Variants in RARB observed in about 807,000 individuals in gnomAD.
RARB encodes the protein retinoic acid receptor beta.
In RARB, 17 loss-of-function variants were observed where a neutral mutation model predicts 51.9. That is an observed-to-expected ratio of 0.33 (90% CI 0.22 to 0.49). The LOEUF (loss-of-function observed/expected upper bound fraction) is 0.49, where lower values mean the gene tolerates loss of function less well. Among genes scored for constraint, RARB ranks in the 20% least tolerant of loss-of-function variants. The pLI, the probability that RARB is intolerant of heterozygous loss-of-function variation, is 0.99. For synonymous variants in RARB, 215 were observed against 195.4 expected (o/e 1.10, Z -0.84); for missense variants, 369 against 550.8 (o/e 0.67, Z 3.30).
chr3:25,387,753 C>T (rs1482438176), intron 5 of RARB, among the ~76,000 whole-genome samples: 2 of 151,980 alleles, frequency 1.3e-5, no homozygotes, highest in Admixed American at 1.3e-4. Context: ...TGTCTTTGTT[C>T]GACCCTAAAT....
chr3:24,981,677 A>T (rs1696677658), intron 2 of RARB, among the ~76,000 whole-genome samples: 1 of 152,096 alleles, frequency 6.6e-6, no homozygotes, highest in African/African-American at 2.4e-5. Flanking sequence ...TGGCTCTACC[A>T]GGCACAGTCC....
intron 5 of RARB, among the ~76,000 whole-genome samples, chr3:25,274,311 C>T (rs1009948781): frequency 3.9e-5 from 6 of 152,236 alleles, no homozygotes; most frequent in South Asian, 2.1e-4. Flanking sequence ...TGGATGGGAC[C>T]GTTCAAGTGC....
intron 2 of RARB, among the ~76,000 whole-genome samples, chr3:25,006,417 G>A (rs765091541): frequency 1.7e-4 from 26 of 152,132 alleles, no homozygotes; most frequent in Admixed American, 3.3e-4. Flanking sequence ...CAGTTGTGAC[G>A]TTGGCTTTCA....
chr3:25,067,267 T>C (rs1360945904), intron 3 of RARB, among the ~76,000 whole-genome samples: 1 of 152,100 alleles, frequency 6.6e-6, no homozygotes, highest in East Asian at 1.9e-4. Flanking sequence ...AAAGTGAGCA[T>C]GGGACCCAAC....
intron 2 of RARB, among the ~76,000 whole-genome samples, chr3:24,877,660 T>A (rs1703074016): frequency 6.6e-6 from 1 of 152,050 alleles, no homozygotes; most frequent in African/African-American, 2.4e-5. Context: ...GACCTCCAAG[T>A]CTGATCTTCC....
At chr3:24,836,706 G>A (rs890349928) in intron 1 of RARB, among the ~76,000 whole-genome samples, 3 of 152,248 alleles carry the variant, frequency 2.0e-5, no homozygotes, top group African/African-American at 4.8e-5. Context: ...ATTCTTGAGC[G>A]AGACAGGGAA....
intron 2 of RARB, among the ~76,000 whole-genome samples, chr3:24,965,693 T>C (rs181204138): frequency 2.0e-5 from 3 of 152,260 alleles, no homozygotes; most frequent in East Asian, 3.9e-4. Flanking sequence ...AATGAAATAA[T>C]ACACATGAAA....
At chr3:25,178,983 ATC>A (rs1700810355) in intron 5 of RARB, among the ~76,000 whole-genome samples, 4 of 152,262 alleles carry the variant, frequency 2.6e-5, no homozygotes, top group African/African-American at 9.6e-5. Context: ...TGGCTTCAGA[ATC>A]TCTCTCAAAA....
intron 1 of RARB, among the ~76,000 whole-genome samples, chr3:25,440,444 CT>C (rs1252707912): frequency 6.8e-6 from 1 of 146,874 alleles, no homozygotes; most frequent in Non-Finnish European, 1.5e-5. Context: ...GAGATCCTGT[CT>C]AAAAAATAAA....
intron 5 of RARB, among the ~76,000 whole-genome samples, chr3:25,296,249 CA>C (rs1703911754): frequency 6.6e-6 from 1 of 152,114 alleles, no homozygotes; most frequent in African/African-American, 2.4e-5. Flanking sequence ...GTAGAAAATT[CA>C]AAGGGCAAGG....
chr3:25,200,880 C>T (rs1016644291), intron 5 of RARB, among the ~76,000 whole-genome samples: 4 of 152,184 alleles, frequency 2.6e-5, no homozygotes, highest in Non-Finnish European at 5.9e-5. Context: ...TAGCATGATA[C>T]CTCCAGCTTT....
At chr3:24,997,580 T>C (rs1205194084) in intron 2 of RARB, among the ~76,000 whole-genome samples, 1 of 152,164 alleles carries the variant, frequency 6.6e-6, no homozygotes, top group Admixed American at 6.6e-5. Flanking sequence ...GGTTGAGGTT[T>C]CACCATGTTA....
At chr3:24,971,408 G>C (rs1047054670) in intron 2 of RARB, among the ~76,000 whole-genome samples, 1 of 151,988 alleles carries the variant, frequency 6.6e-6, no homozygotes, top group Non-Finnish European at 1.5e-5. Flanking sequence ...ATTATCCTTA[G>C]AAGTTTTTGA....
rs116491578 is a variant in RARB at position 24,981,636 on chromosome 3, G to A, written c.-379-78489G>A. Among the ~76,000 whole-genome samples the A allele has an allele frequency of 9.6e-3, 1,457 of 152,270 alleles. 18 individuals carry two copies. Among genetic ancestry groups the A allele is most frequent in the African/African-American group, 0.034 (1,406 of 41,558 alleles). Reference sequence around the variant, plus strand: ...GTGGTCTGCTGGTTGTGAAGACCATGGGAAAAGCATAGTATTTGGGCAGGA... The same window carrying A: ...GTGGTCTGCTGGTTGTGAAGACCATAGGAAAAGCATAGTATTTGGGCAGGA... On this transcript the variant is annotated intron_variant, in intron 2 of 11. Coordinates refer to the RARB transcript ENST00000383772.
chr3:25,072,550 T>G (rs940320196), intron 3 of RARB, among the ~76,000 whole-genome samples: 7 of 152,142 alleles, frequency 4.6e-5, no homozygotes, highest in African/African-American at 1.7e-4. Context: ...TCCCATACTA[T>G]TTTAAGAGCT....
At chr3:25,528,559 C>T (rs1363288111) in intron 3 of RARB, among the ~76,000 whole-genome samples, 1 of 151,902 alleles carries the variant, frequency 6.6e-6, no homozygotes, top group Non-Finnish European at 1.5e-5. Context: ...GGAGGACTCC[C>T]CTCCTGCCAT....
Position 24,961,968 on chromosome 3 carries a change from C to T in RARB, c.-379-98157C>T, listed in dbSNP as rs1477785023. Reference sequence around the variant, plus strand: ...TTTTTGAGACAGAGTCTTGCTCTGTCGCCCAGGCTAGAGTGCAATGGCGCT... The same window carrying T: ...TTTTTGAGACAGAGTCTTGCTCTGTTGCCCAGGCTAGAGTGCAATGGCGCT... On this transcript the variant is annotated intron_variant, in intron 2 of 11. Coordinates refer to the RARB transcript ENST00000383772. Among the ~76,000 whole-genome samples, 10 of 136,024 alleles carry T rather than the reference C, an allele frequency of 7.4e-5. 1 individual carries two copies. Among genetic ancestry groups the T allele is most frequent in the South Asian group, 2.3e-4 (1 of 4,270 alleles). 89.2% of individuals were successfully genotyped at this position (136,024 alleles called of 152,430 possible). A position where few individuals can be genotyped will look rare whatever the true frequency, so the allele number is the denominator to read the frequency against.
intron 5 of RARB, among the ~76,000 whole-genome samples, chr3:25,201,438 A>T (rs1324923448): frequency 6.6e-6 from 1 of 152,124 alleles, no homozygotes; most frequent in Non-Finnish European, 1.5e-5. Context: ...CTCCTGCCTG[A>T]TTGCCCTGGC....
chr3:25,219,375 AGAG>A (rs939330398), intron 5 of RARB, among the ~76,000 whole-genome samples: 1 of 152,174 alleles, frequency 6.6e-6, no homozygotes, highest in South Asian at 2.1e-4. Flanking sequence ...AGAGCATAGA[AGAG>A]GAGGCAGAAG....
Sources: gnomAD v4.1 joint callset for allele counts (sites outside exome capture counted in the v4.1 genomes callset) on GRCh38, gnomAD v4.1.1 for gene constraint, MANE v1.5 for transcripts, NCBI Gene and HGNC (gene_info 2026-07-23, HGNC 2026-07-21) for gene names.